MGAM: variants seen among roughly 807,000 people sequenced by gnomAD.
The protein encoded by MGAM is maltase-glucoamylase, also known as alpha-1,4-glucosidase.
MGAM carries 253 observed loss-of-function variants against 358.8 expected under a neutral mutation model. The observed-to-expected ratio is 0.71, with a 90% CI of 0.64 to 0.78. MGAM has a LOEUF of 0.78. Ranked by LOEUF, MGAM falls within the 30% of genes least tolerant of loss-of-function variation. The pLI, the probability that MGAM is intolerant of heterozygous loss-of-function variation, is 0.00. For missense variants in MGAM, 3,080 were observed against 3,432.6 expected (o/e 0.90, Z 2.57); for synonymous variants, 1,105 against 1,227.1 (o/e 0.90, Z 2.08).
chr7:142,088,830 T>C (rs1235024115), intron 57 of MGAM, among the ~76,000 whole-genome samples: 2 of 100,104 alleles, frequency 2.0e-5, no homozygotes, highest in Admixed American at 9.7e-5. Context: ...ACCATCTATC[T>C]ATCTATCTAT....
In MGAM at chr7:142,092,475, G is replaced by A. The variant is rs759369348; in HGVS notation, c.6946-46G>A. The A allele has an allele frequency of 1.8e-5, 26 of 1,454,740 alleles. 4 individuals carry two copies. Among genetic ancestry groups the A allele is most frequent in the Middle Eastern group, 2.2e-4 (1 of 4,470 alleles). 90.1% of individuals were successfully genotyped at this position (1,454,740 alleles called of 1,614,324 possible). A position where few individuals can be genotyped will look rare whatever the true frequency, so the allele number is the denominator to read the frequency against. ...TTCCTTGGCTCAGAATTGGCAGGAC[G>A]TAATTATCTTAAAAAGTGAGGTATG... On this transcript the variant is annotated intron_variant, in intron 58 of 70. Coordinates refer to ENST00000475668, the MANE Select transcript of MGAM (RefSeq NM_001365693.1).
chr7:142,045,003 A>T (rs1302153410), intron 21 of MGAM, among the ~76,000 whole-genome samples: 12 of 105,962 alleles, frequency 1.1e-4, no homozygotes, highest in African/African-American at 3.4e-4. Flanking sequence ...CACGTGTAAT[A>T]TATGATATAT....
chr7:142,050,905 C>G, intron 24 of MGAM, 41 bp downstream of exon 24: 1 of 1,612,202 alleles, frequency 6.2e-7, no homozygotes, highest in Non-Finnish European at 8.5e-7. Flanking sequence ...TGAGAATTCT[C>G]CATAGCATCG....
intron 3 of MGAM, among the ~76,000 whole-genome samples, chr7:142,016,259 C>T (rs2128991404): frequency 6.6e-6 from 1 of 152,290 alleles, no homozygotes. Flanking sequence ...TGGCTTGTCT[C>T]TATCTCTGAA....
At chr7:142,042,073 A>G (rs867316220) in intron 21 of MGAM, among the ~76,000 whole-genome samples, 1,380 of 67,938 alleles carry the variant, frequency 0.02, 108 homozygotes, top group African/African-American at 0.075. Context: ...ATAATATATA[A>G]CATACAATAT....
chr7:142,096,283 G>T (rs765923677), intron 64 of MGAM, 48 bp from the exon 65 acceptor site: 57 of 1,473,378 alleles, frequency 3.9e-5, no homozygotes, highest in Non-Finnish European at 4.6e-5. Context: ...AGAGTGTCGG[G>T]CTGGGGCTCT....
chr7:142,090,841 G>T (rs1815316918), intron 57 of MGAM, among the ~76,000 whole-genome samples: 1 of 146,642 alleles, frequency 6.8e-6, no homozygotes, highest in Admixed American at 6.8e-5. Flanking sequence ...CCATTAAACA[G>T]TGAGTATATA....
At chr7:142,084,426 C>T in intron 53 of MGAM, 93 bp from the exon 54 acceptor site, 1 of 1,370,916 alleles carries the variant, frequency 7.3e-7, no homozygotes, top group Non-Finnish European at 1.0e-6. Flanking sequence ...AGTTGTCTAG[C>T]TTGGGGCACA....
intron 69 of MGAM, 30 bp from the exon 70 acceptor site, chr7:142,103,239 T>C: frequency 6.6e-7 from 1 of 1,524,378 alleles, no homozygotes; most frequent in South Asian, 1.3e-5. Context: ...ATTCTGCTAT[T>C]ATATTTTTCT....
At chr7:142,032,366 C>A (rs1223659712) in intron 13 of MGAM, among the ~76,000 whole-genome samples, 1 of 151,916 alleles carries the variant, frequency 6.6e-6, no homozygotes, top group Admixed American at 6.6e-5. Context: ...AAGATAAAAG[C>A]AAAAATCCTC....
At position 142,093,506 on chromosome 7, in the gene MGAM, T is replaced by C. The variant is rs113458049; in HGVS notation, c.7128T>C (p.Asn2376=). 6.0e-3 allele frequency: 9,088 copies of C among 1,510,544 alleles called. 781 individuals carry two copies. The African/African-American group carries it at 0.1, about 17-fold the overall frequency. The allele number at this position is 1,510,544 out of a possible 1,614,324, so 93.6% of individuals were successfully genotyped here. A position where few individuals can be genotyped will look rare whatever the true frequency, so the allele number is the denominator to read the frequency against. Residue 2376 remains asparagine (N), a synonymous_variant, in exon 60 of 71, where the codon AAT becomes AAC. Transcript: ENST00000475668. ...LPDGSPVQHY[N]VHNLYGWSQT... ...ACGGCTCCCCGGTGCAGCACTACAA[T>C]GTGCACAACCTGTACGGGTGGTCCC...
rs117210666 is a variant in MGAM, at chr7:142,061,552, G to C, written c.4123-1016G>C. On this transcript the variant is annotated intron_variant, in intron 34 of 70. Transcript: ENST00000475668. ...TTCTGCCCTTTTTCTAGACATCTGGGTTCCTACCTGCCCTTTATCTGTGGT... is the reference window on the plus strand; with the variant it reads ...TTCTGCCCTTTTTCTAGACATCTGGCTTCCTACCTGCCCTTTATCTGTGGT... 8.7e-4 allele frequency among the ~76,000 whole-genome samples: 133 copies of C among 152,110 alleles called. 2 individuals are homozygous for C. In the East Asian group the frequency reaches 0.021, roughly 25 times the overall value.
In MGAM at chr7:142,064,449, C is replaced by A; in HGVS notation, c.4411C>A (p.Pro1471Thr). The change falls in exon 37 of 71, where the codon CCA (proline) becomes ACA (threonine). Residue 1471 changes from proline (P) to threonine (T), a missense_variant. By Grantham distance (38) the Pro-to-Thr change is conservative. Transcript: ENST00000475668. ...TTGTATGGAGAGTCAGCAGATCCTCCCAGACGGCTCCCTGGTGCAGCACTA... is the reference window on the plus strand; with the variant it reads ...TTGTATGGAGAGTCAGCAGATCCTCACAGACGGCTCCCTGGTGCAGCACTA... ...TLCMESQQIL[P>T]DGSLVQHYNV... 6.2e-7 allele frequency: 1 copy of A among 1,600,442 alleles called. No individual in the cohort carries two copies. The highest frequency in any genetic ancestry group is 8.5e-7 in the Non-Finnish European group (1 of 1,173,622).
intron 28 of MGAM, 110 bp from the exon 29 acceptor site, chr7:142,055,890 T>C: frequency 6.9e-7 from 1 of 1,448,510 alleles, no homozygotes; most frequent in Non-Finnish European, 9.4e-7. Context: ...TTTATGTGTC[T>C]AGTTTCATGG....
At chr7:142,091,135 T>A (rs983376957) in intron 57 of MGAM, among the ~76,000 whole-genome samples, 3 of 143,592 alleles carry the variant, frequency 2.1e-5, no homozygotes, top group African/African-American at 7.4e-5. Flanking sequence ...TAATCCCAGC[T>A]ACTCAGGAGG....
Position 142,060,863 on chromosome 7 carries a change from C to T in MGAM, c.4122+490C>T, listed in dbSNP as rs568108303. On this transcript the variant is annotated intron_variant, in intron 34 of 70. Transcript: ENST00000475668. ...ACAGGTGTCTCCATCTTCATACTTA[C>T]GAGTCCTGCCCCGAGCCCCACCATT... is the stretch of plus-strand genomic sequence containing the variant. Among the ~76,000 whole-genome samples, 11 of 152,150 alleles carry T rather than the reference C, an allele frequency of 7.2e-5. No individual in the cohort carries two copies. In the South Asian group the frequency reaches 1.7e-3, roughly 23 times the overall value.
At position 142,069,440 on chromosome 7, in the gene MGAM, T is replaced by C. The variant is rs562931697; in HGVS notation, c.5061+737T>C. Among the ~76,000 whole-genome samples, 46 of 145,008 alleles carry C rather than the reference T, an allele frequency of 3.2e-4. 1 individual carries two copies. Among genetic ancestry groups the C allele is most frequent in the African/African-American group, 1.1e-3 (46 of 40,980 alleles). On this transcript the variant is annotated intron_variant, in intron 43 of 70. Coordinates refer to ENST00000475668, the MANE Select transcript of MGAM (RefSeq NM_001365693.1). The stretch of plus-strand genomic sequence containing the variant: ...ATTCTTGGGGAAGAATCAAAGGAGG[T>C]ATTTCCTTCGTTTCTAACTAGGCCT...
At chr7:142,058,633 A>G (rs2129037755) in intron 31 of MGAM, among the ~76,000 whole-genome samples, 1 of 152,364 alleles carries the variant, frequency 6.6e-6, no homozygotes, top group South Asian at 2.1e-4. Context: ...TAGTCAAAAA[A>G]GTCCTTGGTT....
At chr7:142,094,233 G>T in intron 60 of MGAM, 131 bp from the exon 61 acceptor site, 1 of 1,144,964 alleles carries the variant, frequency 8.7e-7, no homozygotes, top group Non-Finnish European at 1.2e-6. Context: ...CCCCATTACA[G>T]CTCAGAGTCC....
Sources: gnomAD v4.1 joint callset for allele counts (sites outside exome capture counted in the v4.1 genomes callset) on GRCh38, gnomAD v4.1.1 for gene constraint, MANE v1.5 for transcripts, NCBI Gene and HGNC (gene_info 2026-07-23, HGNC 2026-07-21) for gene names.